The following WDR43 variants were observed in gnomAD, a reference collection of about 807,000 sequenced individuals.
WDR43 encodes the protein WD repeat-containing protein 43.
WDR43 carries 13 observed loss-of-function variants against 91.4 expected under a neutral mutation model. The observed-to-expected ratio is 0.14, with a 90% CI of 0.09 to 0.23. The LOEUF (loss-of-function observed/expected upper bound fraction) is 0.23. Ranked by LOEUF, WDR43 falls within the 10% of genes least tolerant of loss-of-function variation. The pLI is 1.00. For missense variants in WDR43, 780 were observed against 809.4 expected (o/e 0.96, Z 0.44); for synonymous variants, 331 against 287.9 (o/e 1.15, Z -1.51).
At chr2:28,926,637 A>G in intron 9 of WDR43, 83 bp downstream of exon 9, 1 of 1,225,962 alleles carries the variant, frequency 8.2e-7, no homozygotes, top group Non-Finnish European at 1.1e-6. Flanking sequence ...TTATGATTAA[A>G]CTGAGTTTTT....
intron 2 of WDR43, among the ~76,000 whole-genome samples, chr2:28,903,473 A>T (rs1187748954): frequency 6.6e-6 from 1 of 152,240 alleles, no homozygotes; most frequent in Non-Finnish European, 1.5e-5. Context: ...AGCAACAACG[A>T]CAACAAAGAA....
chr2:28,910,530 TTGTC>T (rs909686093), intron 3 of WDR43, among the ~76,000 whole-genome samples: 3 of 152,026 alleles, frequency 2.0e-5, no homozygotes, highest in Non-Finnish European at 2.9e-5. Flanking sequence ...TTTATATCCT[TTGTC>T]TGTTTTTATT....
intron 3 of WDR43, among the ~76,000 whole-genome samples, chr2:28,911,487 G>T (rs890961006): frequency 6.6e-6 from 1 of 151,650 alleles, no homozygotes; most frequent in East Asian, 1.9e-4. Flanking sequence ...GTAGAGACAG[G>T]GTTTCACCAT....
Position 28,937,917 on chromosome 2 carries a change from A to AT in WDR43, c.1557-5dup, listed in dbSNP as rs563170172. The AT allele has an allele frequency of 1.3e-4, 209 of 1,600,572 alleles. No homozygotes were observed. The highest frequency in any genetic ancestry group is 1.7e-4 in the Admixed American group (10 of 59,336). ...AATTTGTGAACATTAGTTTACTTGG[A>AT]TTTTTTTTTCCAGTGCTGTGCTAAT... is the stretch of plus-strand genomic sequence containing the variant. On this transcript the variant is annotated splice_polypyrimidine_tract_variant and intron_variant, in intron 13 of 17. Transcript: ENST00000407426.
chr2:28,919,776 T>C (rs1670986181), intron 6 of WDR43, among the ~76,000 whole-genome samples: 1 of 152,248 alleles, frequency 6.6e-6, no homozygotes, highest in Non-Finnish European at 1.5e-5. Flanking sequence ...ATTCTGATAA[T>C]TGGATATTCT....
At chr2:28,904,055 T>A (rs150292345) in intron 2 of WDR43, among the ~76,000 whole-genome samples, 1,618 of 152,208 alleles carry the variant, frequency 0.011, 31 homozygotes, top group African/African-American at 0.036. Flanking sequence ...TCTGCCTGCT[T>A]GGCCTCCTAA....
chr2:28,897,783 A>C (rs1670510052), intron 1 of WDR43, among the ~76,000 whole-genome samples: 1 of 152,132 alleles, frequency 6.6e-6, no homozygotes, highest in East Asian at 1.9e-4. Context: ...TGTTTAGAAA[A>C]ATTAGATTGT....
At chr2:28,937,788 T>C (rs998147389) in intron 13 of WDR43, 143 bp from the exon 14 acceptor site, 11 of 751,942 alleles carry the variant, frequency 1.5e-5, no homozygotes, top group African/African-American at 1.1e-4. Context: ...GAAAGTGATA[T>C]ATACACAGTG....
chr2:28,902,155 A>G lies in WDR43; in HGVS notation c.363+31A>G, dbSNP rs778080814. ...TGTGTGTATATTTTATTTAAAAGTG[A>G]TGTGACAGGGAAGCTGATTATTAGA... On this transcript the variant is annotated intron_variant, in intron 2 of 17. Coordinates refer to ENST00000407426, the MANE Select transcript of WDR43 (RefSeq NM_015131.3). 3.9e-6 allele frequency: 6 copies of G among 1,526,956 alleles called. No homozygotes were observed. In the Admixed American group the frequency reaches 6.8e-5, roughly 17 times the overall value. The allele number at this position is 1,526,956 out of a possible 1,614,324, so 94.6% of individuals were successfully genotyped here. A position where few individuals can be genotyped will look rare whatever the true frequency, so the allele number is the denominator to read the frequency against.
At chr2:28,910,678 A>AATATATATAT (rs71403628) in intron 3 of WDR43, among the ~76,000 whole-genome samples, 8,922 of 142,492 alleles carry the variant, frequency 0.063, 330 homozygotes, top group East Asian at 0.18. Context: ...TGTGTGTGTA[A>AATATATATAT]ATATATATAT....
chr2:28,910,953 C>T (rs1420159621), intron 3 of WDR43, among the ~76,000 whole-genome samples: 8 of 151,976 alleles, frequency 5.3e-5, no homozygotes, highest in African/African-American at 1.9e-4. Context: ...CTGCCTTGGC[C>T]TCCCAAAGTG....
At chr2:28,936,495 T>A (rs952536558) in intron 12 of WDR43, among the ~76,000 whole-genome samples, 2 of 152,160 alleles carry the variant, frequency 1.3e-5, no homozygotes, top group African/African-American at 4.8e-5. Flanking sequence ...TAACCTTGAT[T>A]TTTTTCTTTG....
chr2:28,914,312 T>C (rs944320210), intron 5 of WDR43, 104 bp downstream of exon 5: 41 of 1,337,754 alleles, frequency 3.1e-5, no homozygotes, highest in Non-Finnish European at 4.0e-5. Flanking sequence ...TTGTATCTAA[T>C]GTTGGATTTA....
chr2:28,897,313 G>C (rs1440432916), intron 1 of WDR43, among the ~76,000 whole-genome samples: 1 of 152,106 alleles, frequency 6.6e-6, no homozygotes, highest in African/African-American at 2.4e-5. Flanking sequence ...ACATGTTAAG[G>C]TGCTCTCATC....
intron 1 of WDR43, 147 bp downstream of exon 1, chr2:28,895,070 C>T: frequency 2.6e-6 from 2 of 773,156 alleles, no homozygotes; most frequent in Middle Eastern, 4.3e-4. Flanking sequence ...CGTTCAGGGC[C>T]CAAGCCGCCA....
intron 14 of WDR43, among the ~76,000 whole-genome samples, chr2:28,940,037 G>A (rs1014675163): frequency 6.6e-6 from 1 of 151,544 alleles, no homozygotes; most frequent in Non-Finnish European, 1.5e-5. Flanking sequence ...CGTGAACCCG[G>A]GGGGGCAGAG....
At chr2:28,917,750 T>G (rs1381951190) in intron 5 of WDR43, 143 bp from the exon 6 acceptor site, 4 of 697,984 alleles carry the variant, frequency 5.7e-6, no homozygotes, top group Admixed American at 3.3e-5. Flanking sequence ...TGTTTTGATC[T>G]TTAGTCACTT....
intron 1 of WDR43, among the ~76,000 whole-genome samples, chr2:28,900,497 T>A (rs1670558886): frequency 6.6e-6 from 1 of 152,210 alleles, no homozygotes; most frequent in Admixed American, 6.5e-5. Context: ...GGAATCTTTT[T>A]AAAAAGATGA....
intron 1 of WDR43, chr2:28,895,237 T>C (rs1572575573): frequency 7.3e-6 from 2 of 275,194 alleles, no homozygotes; most frequent in Non-Finnish European, 1.4e-5. Context: ...CTGGGGCGGC[T>C]TCCTTCTGCC....
Sources: gnomAD v4.1 joint callset for allele counts (sites outside exome capture counted in the v4.1 genomes callset) on GRCh38, gnomAD v4.1.1 for gene constraint, MANE v1.5 for transcripts, NCBI Gene and HGNC (gene_info 2026-07-23, HGNC 2026-07-21) for gene names.